The following THEM4 variants were observed in gnomAD, a reference collection of about 807,000 sequenced individuals.
THEM4 encodes the protein thioesterase superfamily member 4.
Under a neutral mutation model 25.0 loss-of-function variants are expected in THEM4, and 22 were observed. That is an observed-to-expected ratio of 0.88 (90% CI 0.63 to 1.26). THEM4 has a LOEUF of 1.26. THEM4 is among the 50% of genes most tolerant of loss of function. The probability of loss-of-function intolerance (pLI) is 0.00; values close to 1 mark genes in which losing one functional copy is unlikely to be tolerated. For synonymous variants in THEM4, 113 were observed against 105.6 expected, an observed-to-expected ratio of 1.07 and a Z score of -0.43; for missense variants, 286 against 300.3, an observed-to-expected ratio of 0.95 and a Z score of 0.35.
At chr1:151,900,278 C>A (rs56170235) in intron 1 of THEM4, among the ~76,000 whole-genome samples, 34,331 of 151,894 alleles carry the variant, frequency 0.23, 5,083 homozygotes, top group South Asian at 0.54. Flanking sequence ...ATAAAAAAAA[C>A]CCCACAGTAC....
rs1401011797 is a variant in THEM4 at position 151,874,750 on chromosome 1, T to C, written c.*138A>G. The C allele has an allele frequency of 2.6e-6, 2 of 767,904 alleles. No individual in the cohort carries two copies. Among genetic ancestry groups the C allele is most frequent in the Admixed American group, 4.2e-5 (2 of 47,112 alleles). 47.6% of individuals were successfully genotyped at this position (767,904 alleles called of 1,614,324 possible). A position where few individuals can be genotyped will look rare whatever the true frequency, so the allele number is the denominator to read the frequency against. On this transcript the variant is annotated 3_prime_UTR_variant, in exon 6 of 6. Transcript: ENST00000368814. ...GAAGATGGAAACTGAATCCTCTTTG[T>C]ATTCAGAAGGCTGTTTCGGAAGGTC...
intron 4 of THEM4, among the ~76,000 whole-genome samples, chr1:151,882,138 G>C (rs1275001848): frequency 2.0e-5 from 3 of 152,084 alleles, no homozygotes; most frequent in Non-Finnish European, 4.4e-5. Context: ...AGCACTTTGG[G>C]AGGCCGAGGC....
chr1:151,886,579 T>C (rs990487817), intron 4 of THEM4, among the ~76,000 whole-genome samples: 13 of 152,188 alleles, frequency 8.5e-5, no homozygotes, highest in African/African-American at 2.2e-4. Context: ...TTCTAGAATC[T>C]AATTTATAGT....
In THEM4 at chr1:151,876,042, T is replaced by C. The variant is rs181139670; in HGVS notation, c.682+959A>G. The stretch of plus-strand genomic sequence containing the variant: ...ACATTCATTGTGGGACAGTCACATA[T>C]GGAGTATTACACAGTGGTACAAACA... On this transcript the variant is annotated intron_variant, in intron 5 of 5. Transcript: ENST00000368814. 4.0e-3 allele frequency among the ~76,000 whole-genome samples: 610 copies of C among 152,322 alleles called. 2 individuals carry two copies. Among genetic ancestry groups the C allele is most frequent in the African/African-American group, 0.011 (457 of 41,562 alleles).
chr1:151,909,497 A>T lies in THEM4; in HGVS notation c.-39T>A, dbSNP rs958519830. On this transcript the variant is annotated 5_prime_UTR_variant, in exon 1 of 6. Coordinates refer to ENST00000368814, the MANE Select transcript of THEM4 (RefSeq NM_053055.5). ...GGGGCCGCGCTTGCTCTAGCCCTGGACGGCGCACTCTACCTCCGCCACAAG... is the reference window on the plus strand; with the variant it reads ...GGGGCCGCGCTTGCTCTAGCCCTGGTCGGCGCACTCTACCTCCGCCACAAG... 7.5e-7 allele frequency: 1 copy of T among 1,337,382 alleles called. No individual in the cohort carries two copies. Among genetic ancestry groups the T allele is most frequent in the Non-Finnish European group, 9.6e-7 (1 of 1,045,954 alleles). The allele number at this position is 1,337,382 out of a possible 1,614,324, so 82.8% of individuals were successfully genotyped here.
chr1:151,893,464 A>C (rs187125682), intron 2 of THEM4, among the ~76,000 whole-genome samples: 3 of 151,752 alleles, frequency 2.0e-5, no homozygotes, highest in Non-Finnish European at 4.4e-5. Flanking sequence ...AGAGAAATGC[A>C]GTTGTGGCAT....
At chr1:151,887,637 TTTGTTGTTG>T (rs564459123) in intron 4 of THEM4, among the ~76,000 whole-genome samples, 3 of 151,768 alleles carry the variant, frequency 2.0e-5, no homozygotes, top group Non-Finnish European at 2.9e-5. Context: ...TGTGTGTGTT[TTTGTTGTTG>T]TTGTTTTTTT....
chr1:151,878,366 C>T (rs115601901), intron 4 of THEM4, among the ~76,000 whole-genome samples: 118 of 152,272 alleles, frequency 7.7e-4, no homozygotes, highest in African/African-American at 2.8e-3. Context: ...GTGCTGTAGC[C>T]CTTGGGGCTG....
intron 1 of THEM4, among the ~76,000 whole-genome samples, chr1:151,901,441 G>A (rs1654350457): frequency 1.3e-5 from 2 of 152,268 alleles, no homozygotes; most frequent in South Asian, 4.1e-4. Flanking sequence ...ATCATGATAG[G>A]CCATAAACAA....
chr1:151,891,578 T>A (rs1654093751), intron 2 of THEM4: 1 of 152,160 alleles, frequency 6.6e-6, no homozygotes, highest in Non-Finnish European at 1.5e-5. Flanking sequence ...CTTAATGAAA[T>A]AACAATTGTT....
At position 151,870,968 on chromosome 1, in the gene THEM4, G is replaced by T. The variant is rs1001447465; in HGVS notation, c.*3920C>A. Among the ~76,000 whole-genome samples, 2 of 152,154 alleles carry T rather than the reference G, an allele frequency of 1.3e-5. No individual in the cohort carries two copies. Among genetic ancestry groups the T allele is most frequent in the Non-Finnish European group, 2.9e-5 (2 of 68,028 alleles). ...ATTATGTTTACACTGATAGTTTAAA[G>T]ATATTTTAGCACTAACCAGCATCAA... On this transcript the variant is annotated 3_prime_UTR_variant, in exon 6 of 6. Coordinates refer to ENST00000368814, the MANE Select transcript of THEM4 (RefSeq NM_053055.5).
rs2101713636 is a variant in THEM4, at chr1:151,874,866, G to A, written c.*22C>T. ...GCTTCTTCTGGAGGGGCGAGAATGA[G>A]ATGGAGTTCACCAGCAGCTCTTTAT... On this transcript the variant is annotated 3_prime_UTR_variant, in exon 6 of 6. Transcript: ENST00000368814. 6.2e-7 allele frequency: 1 copy of A among 1,611,730 alleles called. No homozygotes were observed. Among genetic ancestry groups the A allele is most frequent in the Non-Finnish European group, 8.5e-7 (1 of 1,178,452 alleles).
intron 2 of THEM4, chr1:151,894,802 G>T (rs1412478484): frequency 4.8e-6 from 3 of 629,632 alleles, no homozygotes; most frequent in Non-Finnish European, 8.3e-6. Flanking sequence ...ATGCCAGGGT[G>T]GGAGCAGTCT....
chr1:151,878,317 G>A (rs1426849729), intron 4 of THEM4, among the ~76,000 whole-genome samples: 1 of 152,164 alleles, frequency 6.6e-6, no homozygotes, highest in Non-Finnish European at 1.5e-5. Context: ...GACCAGTTGT[G>A]GGGGTGGGCA....
At chr1:151,905,802 A>T (rs1654445950) in intron 1 of THEM4, among the ~76,000 whole-genome samples, 1 of 152,212 alleles carries the variant, frequency 6.6e-6, no homozygotes, top group Non-Finnish European at 1.5e-5. Context: ...GTTTTATCTA[A>T]ACAGCACAGT....
In THEM4 at chr1:151,883,366, T is replaced by C. The variant is rs561831769; in HGVS notation, c.557+4907A>G. 2.0e-5 allele frequency among the ~76,000 whole-genome samples: 3 copies of C among 152,140 alleles called. No individual in the cohort carries two copies. The South Asian group carries it at 6.2e-4, about 32-fold the overall frequency. On this transcript the variant is annotated intron_variant, in intron 4 of 5. Transcript: ENST00000368814. The stretch of plus-strand genomic sequence containing the variant: ...CTGATCTCAGGTGATCCACTCACCT[T>C]GGCCTCCCAAAATGCTGGGATTACA...
At chr1:151,880,457 G>A (rs1302684292) in intron 4 of THEM4, among the ~76,000 whole-genome samples, 1 of 151,788 alleles carries the variant, frequency 6.6e-6, no homozygotes, top group East Asian at 1.9e-4. Flanking sequence ...CAGCCTGGGT[G>A]ACAGAGCGAG....
chr1:151,883,159 C>G (rs1479571023), intron 4 of THEM4, among the ~76,000 whole-genome samples: 1 of 148,792 alleles, frequency 6.7e-6, no homozygotes, highest in African/African-American at 2.5e-5. Context: ...GCTCTGTTGC[C>G]CAGGCTGGAG....
chr1:151,878,323 GGGCA>G (rs1161794610), intron 4 of THEM4, among the ~76,000 whole-genome samples: 1 of 152,172 alleles, frequency 6.6e-6, no homozygotes, highest in Non-Finnish European at 1.5e-5. Flanking sequence ...TTGTGGGGGT[GGGCA>G]CAGGCTGAAA....
Sources: allele counts gnomAD v4.1 joint callset (sites outside exome capture counted in the v4.1 genomes callset), GRCh38; gene constraint gnomAD v4.1.1; transcripts MANE v1.5; gene names NCBI Gene and HGNC (gene_info 2026-07-23, HGNC 2026-07-21).